The following JMJD1C variants were observed in gnomAD, a reference collection of about 807,000 sequenced individuals.
JMJD1C encodes the protein jumonji domain containing 1C.
In JMJD1C, 31 loss-of-function variants were observed where a neutral mutation model predicts 245.3. The ratio of observed to expected loss-of-function variants is 0.13; its 90% CI spans 0.09 to 0.17. The LOEUF is 0.17. JMJD1C is among the 10% of genes least tolerant of loss of function. JMJD1C has a pLI of 1.00. For missense variants in JMJD1C, 2,691 were observed against 3,000.2 expected, an observed-to-expected ratio of 0.90 and a Z score of 2.41; for synonymous variants, 1,057 against 1,017.4, an observed-to-expected ratio of 1.04 and a Z score of -0.74.
chr10:63,192,914 G>A (rs1427294937), intron 16 of JMJD1C, 24 bp downstream of exon 16: 4 of 1,536,770 alleles, frequency 2.6e-6, no homozygotes, highest in Non-Finnish European at 3.6e-6. Flanking sequence ...TCTCACACAT[G>A]CCTAGATAAT....
exon 1 of JMJD1C, chr10:63,521,789 GGCGACT>G (rs1955256064): frequency 3.1e-6 from 1 of 321,986 alleles, no homozygotes. Flanking sequence ...GCCTAGCTGC[GGCGACT>G]GCGGCTGCGA....
At chr10:63,198,911 AT>A (rs1414881593) in intron 11 of JMJD1C, among the ~76,000 whole-genome samples, 184 bp from the exon 12 acceptor site, 3 of 152,206 alleles carry the variant, frequency 2.0e-5, no homozygotes, top group African/African-American at 7.2e-5. Context: ...CTCAGGTGTT[AT>A]GCAAATGGCA....
chr10:63,189,340 G>A lies in JMJD1C; in HGVS notation c.6398C>T (p.Pro2133Leu). ...TTCTTCAGGCTCTTCTTTAAGCTCT[G>A]GTTTTACATTTATCTTGGAGGTTTT... Reference protein sequence around the residue: ...PSKTSKINVKPELKEEPEESI... With the variant: ...PSKTSKINVKLELKEEPEESI... The change falls in exon 18 of 26, where the codon CCA (proline) becomes CTA (leucine). Residue 2133 changes from proline to leucine, a missense_variant. By Grantham distance (98) the Pro-to-Leu change is moderately conservative. Transcript: ENST00000399262. 1 of 1,613,612 alleles carries A rather than the reference G, an allele frequency of 6.2e-7. No homozygotes were observed. Among genetic ancestry groups the A allele is most frequent in the Non-Finnish European group, 8.5e-7 (1 of 1,179,814 alleles).
At chr10:63,244,903 A>G (rs1851978822) in intron 3 of JMJD1C, among the ~76,000 whole-genome samples, 1 of 152,002 alleles carries the variant, frequency 6.6e-6, no homozygotes, top group South Asian at 2.1e-4. Context: ...TTGGGAGGCC[A>G]AGGCAGCCGG....
intron 21 of JMJD1C, among the ~76,000 whole-genome samples, chr10:63,183,776 G>A (rs1843760283): frequency 6.6e-6 from 1 of 152,016 alleles, no homozygotes; most frequent in Admixed American, 6.6e-5. Context: ...AATGTACTAT[G>A]ATTAAAAATC....
chr10:63,394,845 A>AC (rs142984079), intron 1 of JMJD1C, among the ~76,000 whole-genome samples: 580 of 22,324 alleles, frequency 0.026, 6 homozygotes, highest in African/African-American at 0.035. Flanking sequence ...ACTCCATCAC[A>AC]AAAAAAAAAA....
rs1300715822 is a variant in JMJD1C, at chr10:63,192,921, T to C, written c.6076+17A>G. 1.3e-6 allele frequency: 2 copies of C among 1,578,786 alleles called. No homozygotes were observed. The highest frequency in any genetic ancestry group is 2.2e-5 in the South Asian group (2 of 90,302). On this transcript the variant is annotated intron_variant, in intron 16 of 25. Transcript: ENST00000399262. Reference sequence around the variant, plus strand: ...TATACTCCTCTCACACATGCCTAGATAATCAATTATGTTTACCTTTTTTTT... The same window carrying C: ...TATACTCCTCTCACACATGCCTAGACAATCAATTATGTTTACCTTTTTTTT...
intron 1 of JMJD1C, among the ~76,000 whole-genome samples, chr10:63,403,091 C>T (rs781244759): frequency 1.6e-4 from 24 of 152,204 alleles, no homozygotes; most frequent in Non-Finnish European, 2.9e-4. Flanking sequence ...GGACAGACCA[C>T]TCTCTGGATC....
rs1009034757 is a variant in JMJD1C, at chr10:63,217,347, A to G, written c.554-16T>C. 1.9e-5 allele frequency: 29 copies of G among 1,542,180 alleles called. No individual in the cohort carries two copies. The highest frequency in any genetic ancestry group is 2.2e-5 in the Non-Finnish European group (25 of 1,144,428). On this transcript the variant is annotated splice_polypyrimidine_tract_variant and intron_variant, in intron 4 of 25. Transcript: ENST00000399262. ...GAATAAGGACCTTAAAAAAAACACA[A>G]GAAACAGAAACATCTTAAATGGAGA...
At position 63,207,453 on chromosome 10, in the gene JMJD1C, T is replaced by C. The variant is rs757369821; in HGVS notation, c.4216A>G (p.Thr1406Ala). 13 of 1,614,092 alleles carry C rather than the reference T, an allele frequency of 8.1e-6. No individual in the cohort carries two copies. Among genetic ancestry groups the C allele is most frequent in the East Asian group, 2.2e-5 (1 of 44,896 alleles). The change falls in exon 10 of 26, where the codon ACC (threonine) becomes GCC (alanine). Residue 1406 changes from threonine to alanine, a missense_variant. Thr to Ala is a moderately conservative substitution (Grantham distance 58, BLOSUM62 0). Transcript: ENST00000399262. Reference sequence around the variant, plus strand: ...GAACCACCCCAGCTGGAAACACTGGTAGTATCGGCAGCAGATGTGATTACA... The same window carrying C: ...GAACCACCCCAGCTGGAAACACTGGCAGTATCGGCAGCAGATGTGATTACA... ...TDVITSAADT[T>A]SVSSWGGSEV... is the part of the protein sequence containing the mutation.
chr10:63,483,568 T>C (rs1406390039), intron 1 of JMJD1C, among the ~76,000 whole-genome samples: 1 of 152,192 alleles, frequency 6.6e-6, no homozygotes, highest in African/African-American at 2.4e-5. Context: ...TGTGAGAAAA[T>C]TTTTGTTTAT....
At chr10:63,186,673 A>G (rs912519516) in intron 18 of JMJD1C, among the ~76,000 whole-genome samples, 5 of 152,182 alleles carry the variant, frequency 3.3e-5, no homozygotes, top group African/African-American at 1.2e-4. Context: ...TTGGTGGCGG[A>G]GGGTAGATGT....
At chr10:63,444,458 G>A (rs1564926677) in intron 1 of JMJD1C, among the ~76,000 whole-genome samples, 1 of 151,770 alleles carries the variant, frequency 6.6e-6, no homozygotes, top group Non-Finnish European at 1.5e-5. Context: ...ATTTTTAGTA[G>A]AGACCGGGTT....
intron 1 of JMJD1C, among the ~76,000 whole-genome samples, chr10:63,501,072 C>A (rs1184979879): frequency 6.6e-6 from 1 of 152,004 alleles, no homozygotes; most frequent in East Asian, 1.9e-4. Flanking sequence ...GTAAAGTGCC[C>A]AAGATTCCCA....
At chr10:63,351,336 C>T (rs867417223) in intron 2 of JMJD1C, among the ~76,000 whole-genome samples, 1 of 152,136 alleles carries the variant, frequency 6.6e-6, no homozygotes, top group Non-Finnish European at 1.5e-5. Flanking sequence ...GATCCAGCCA[C>T]CTCGGCCTCC....
At chr10:63,477,546 C>T (rs918264330) in intron 1 of JMJD1C, among the ~76,000 whole-genome samples, 1 of 90,272 alleles carries the variant, frequency 1.1e-5, no homozygotes, top group African/African-American at 4.1e-5. Context: ...ATTTGTCATC[C>T]ATATGTCAAA....
intron 1 of JMJD1C, chr10:63,427,311 C>CACCATCGTCCCGG: frequency 3.3e-6 from 3 of 910,020 alleles, no homozygotes; most frequent in South Asian, 1.5e-5. Flanking sequence ...TGAAGTATTT[C>CACCATCGTCCCGG]CTGGGCCAGG....
At chr10:63,183,394 GAA>G in intron 22 of JMJD1C, 51 bp downstream of exon 22, 1 of 1,497,116 alleles carries the variant, frequency 6.7e-7, no homozygotes, top group Non-Finnish European at 9.1e-7. Flanking sequence ...CAATACTAGT[GAA>G]TGTGATTATT....
In JMJD1C at chr10:63,348,708, T is replaced by C. The variant is rs1040150276; in HGVS notation, c.333+31610A>G. On this transcript the variant is annotated intron_variant, in intron 2 of 25. Transcript: ENST00000399262. ...CCCCATTGTTAGAGGTGGGGTCTAA[T>C]TGGAGGTGTTTGGGTCATGGGGACG... Among the ~76,000 whole-genome samples, 11 of 152,272 alleles carry C rather than the reference T, an allele frequency of 7.2e-5. 1 individual carries two copies. The highest frequency in any genetic ancestry group is 2.2e-4 in the African/African-American group (9 of 41,580).
Sources: allele counts gnomAD v4.1 joint callset (sites outside exome capture counted in the v4.1 genomes callset), GRCh38; gene constraint gnomAD v4.1.1; transcripts MANE v1.5; gene names NCBI Gene and HGNC (gene_info 2026-07-23, HGNC 2026-07-21).